RBMS3: variants seen among roughly 807,000 people sequenced by gnomAD.
RBMS3 encodes the protein RNA-binding motif, single-stranded-interacting protein 3.
RBMS3 carries 27 observed loss-of-function variants against 66.8 expected under a neutral mutation model. The ratio of observed to expected loss-of-function variants is 0.40; its 90% CI spans 0.30 to 0.56. RBMS3 has a LOEUF of 0.56. Among genes scored for constraint, RBMS3 ranks in the 20% least tolerant of loss-of-function variants. The pLI, the probability that RBMS3 is intolerant of heterozygous loss-of-function variation, is 0.40. For missense variants in RBMS3, 513 were observed against 549.5 expected (o/e 0.93, Z 0.66); for synonymous variants, 188 against 183.0 (o/e 1.03, Z -0.22).
rs148222046 is a variant in RBMS3, at chr3:29,929,579, A to G, written c.940-6507A>G. On this transcript the variant is annotated intron_variant, in intron 10 of 14. Coordinates refer to ENST00000383767, the MANE Select transcript of RBMS3 (RefSeq NM_001003793.3). ...ACTAATTTGGCTTTAGTGTCTATTA[A>G]TATTATAACTTTAAAAAAAAATACT... Among the ~76,000 whole-genome samples, 312 of 125,122 alleles carry G rather than the reference A, an allele frequency of 2.5e-3. 2 individuals carry two copies. Among genetic ancestry groups the G allele is most frequent in the African/African-American group, 7.5e-3 (294 of 39,462 alleles). The allele number at this position is 125,122 out of a possible 152,430, so 82.1% of individuals were successfully genotyped here. A position where few individuals can be genotyped will look rare whatever the true frequency, so the allele number is the denominator to read the frequency against.
intron 6 of RBMS3, among the ~76,000 whole-genome samples, chr3:29,844,966 A>C (rs1159531886): frequency 6.6e-6 from 1 of 152,166 alleles, no homozygotes; most frequent in Non-Finnish European, 1.5e-5. Context: ...TGAAAAGGAG[A>C]CCACACCATC....
intron 5 of RBMS3, among the ~76,000 whole-genome samples, chr3:29,743,730 C>CT (rs142469262): frequency 0.02 from 2,753 of 136,816 alleles, 80 homozygotes; most frequent in African/African-American, 0.069. Context: ...ATTTGCATTT[C>CT]TTTTTTTTTT....
At position 29,949,332 on chromosome 3, in the gene RBMS3, G is replaced by C. The variant is rs576395600; in HGVS notation, c.1098+5078G>C. ...TTAGGCTTTGCAAGCCATACAGTCT[G>C]TGTCATAACTATTCAACTCTGCCAC... On this transcript the variant is annotated intron_variant, in intron 12 of 14. Coordinates refer to ENST00000383767, the MANE Select transcript of RBMS3 (RefSeq NM_001003793.3). 3.5e-3 allele frequency among the ~76,000 whole-genome samples: 530 copies of C among 151,822 alleles called. 5 individuals are homozygous for C. Among genetic ancestry groups the C allele is most frequent in the Non-Finnish European group, 3.8e-3 (260 of 67,810 alleles).
chr3:29,491,925 G>A (rs964715931), intron 3 of RBMS3, among the ~76,000 whole-genome samples: 31 of 152,016 alleles, frequency 2.0e-4, no homozygotes, highest in Admixed American at 9.8e-4. Flanking sequence ...CCCAGGAGGC[G>A]GAGCTTGCAG....
intron 2 of RBMS3, among the ~76,000 whole-genome samples, chr3:29,478,643 G>A (rs537637011): frequency 2.0e-5 from 3 of 152,184 alleles, no homozygotes; most frequent in Non-Finnish European, 4.4e-5. Flanking sequence ...GGTTACATAT[G>A]TTGCAGATTT....
intron 5 of RBMS3, among the ~76,000 whole-genome samples, chr3:29,743,331 G>C (rs989827157): frequency 5.3e-5 from 8 of 152,178 alleles, no homozygotes; most frequent in African/African-American, 1.9e-4. Flanking sequence ...CCACAAAACA[G>C]AGATGATTTC....
intron 6 of RBMS3, chr3:29,765,750 G>A (rs946396359): frequency 6.6e-6 from 1 of 152,114 alleles, no homozygotes; most frequent in South Asian, 2.1e-4. Flanking sequence ...TATTGTATTA[G>A]TTTGTTTTCA....
intron 1 of RBMS3, among the ~76,000 whole-genome samples, chr3:29,405,338 T>TA (rs758375200): frequency 8.9e-4 from 136 of 152,288 alleles, no homozygotes; most frequent in Non-Finnish European, 1.6e-3. Flanking sequence ...TGTGCCTTTG[T>TA]TAAAAAAATT....
At chr3:29,853,303 T>TTAAAA (rs1454343552) in intron 6 of RBMS3, among the ~76,000 whole-genome samples, 5 of 151,978 alleles carry the variant, frequency 3.3e-5, no homozygotes, top group Admixed American at 3.3e-4. Context: ...ACCCCTGACC[T>TTAAAA]TAAAATAAAA....
At chr3:29,825,968 A>T (rs1316417298) in intron 6 of RBMS3, among the ~76,000 whole-genome samples, 1 of 152,074 alleles carries the variant, frequency 6.6e-6, no homozygotes, top group Non-Finnish European at 1.5e-5. Flanking sequence ...GTTTCTTTTT[A>T]TGTTATTTTG....
At chr3:29,512,741 G>T (rs2044463757) in intron 3 of RBMS3, among the ~76,000 whole-genome samples, 1 of 152,154 alleles carries the variant, frequency 6.6e-6, no homozygotes, top group Admixed American at 6.5e-5. Context: ...TGGGACAAAG[G>T]CTGTCTAATA....
chr3:29,720,285 A>G (rs1241579877), intron 4 of RBMS3, among the ~76,000 whole-genome samples: 3 of 152,208 alleles, frequency 2.0e-5, no homozygotes, highest in Admixed American at 6.5e-5. Flanking sequence ...TGTAAATTGT[A>G]TCATATGTAG....
intron 1 of RBMS3, among the ~76,000 whole-genome samples, chr3:29,342,193 T>C (rs2036317550): frequency 6.6e-6 from 1 of 152,156 alleles, no homozygotes; most frequent in Non-Finnish European, 1.5e-5. Flanking sequence ...GCTTCAGGTG[T>C]GAACAGAAAA....
At chr3:29,753,023 A>G (rs872762) in intron 5 of RBMS3, among the ~76,000 whole-genome samples, 58,171 of 152,046 alleles carry the variant, frequency 0.38, 11,274 homozygotes, top group Middle Eastern at 0.43. Context: ...TTTCCGTTAT[A>G]TATGTATATT....
At chr3:29,830,904 G>C (rs564411923) in intron 6 of RBMS3, among the ~76,000 whole-genome samples, 7 of 152,242 alleles carry the variant, frequency 4.6e-5, no homozygotes, top group Admixed American at 3.3e-4. Context: ...GGACAAGTAA[G>C]AATTAAAGTG....
intron 2 of RBMS3, among the ~76,000 whole-genome samples, chr3:29,458,829 G>C (rs979585929): frequency 6.6e-6 from 1 of 152,176 alleles, no homozygotes; most frequent in African/African-American, 2.4e-5. Flanking sequence ...TCAGATGTAA[G>C]CAGGATGAAT....
At chr3:29,757,216 A>G (rs2055459555) in intron 5 of RBMS3, among the ~76,000 whole-genome samples, 1 of 152,202 alleles carries the variant, frequency 6.6e-6, no homozygotes, top group African/African-American at 2.4e-5. Flanking sequence ...ACATACCCCT[A>G]TCACTCAGGA....
chr3:29,296,926 G>A (rs1295066817), intron 1 of RBMS3, among the ~76,000 whole-genome samples: 1 of 149,090 alleles, frequency 6.7e-6, no homozygotes, highest in Non-Finnish European at 1.5e-5. Context: ...TTTTTTAACT[G>A]CTGGAAGACT....
At chr3:29,784,454 T>A (rs560212755) in intron 6 of RBMS3, among the ~76,000 whole-genome samples, 2 of 152,124 alleles carry the variant, frequency 1.3e-5, no homozygotes, top group African/African-American at 4.8e-5. Flanking sequence ...AACAATGAAA[T>A]CAAGAGGAAA....
Sources: gnomAD v4.1 joint callset for allele counts (sites outside exome capture counted in the v4.1 genomes callset) on GRCh38, gnomAD v4.1.1 for gene constraint, MANE v1.5 for transcripts, NCBI Gene and HGNC (gene_info 2026-07-23, HGNC 2026-07-21) for gene names.